The following LPIN1 variants were observed in gnomAD, a reference collection of about 807,000 sequenced individuals.
LPIN1 encodes phosphatidate phosphatase LPIN1.
In LPIN1, 71 loss-of-function variants were observed where a neutral mutation model predicts 107.5. The observed-to-expected ratio is 0.66, with a 90% confidence interval of 0.55 to 0.80. LPIN1 has a LOEUF of 0.80. Among genes scored for constraint, LPIN1 ranks in the 30% least tolerant of loss-of-function variants. The pLI is 0.00. For synonymous variants in LPIN1, 445 were observed against 452.6 expected, an observed-to-expected ratio of 0.98 and a Z score of 0.21; for missense variants, 1,043 against 1,160.6, an observed-to-expected ratio of 0.90 and a Z score of 1.47.
At chr2:11,724,266 T>A, upstream of LPIN1, 1 of 850,278 alleles carries the variant, frequency 1.2e-6, no homozygotes. Context: ...CAAATGCTGA[T>A]GTCATAGTCC....
At position 11,782,183 on chromosome 2, in the gene LPIN1, C is replaced by T. The variant is rs1186738413; in HGVS notation, c.958-18C>T. The T allele has an allele frequency of 2.5e-6, 4 of 1,599,988 alleles. No homozygotes were observed. Among genetic ancestry groups the T allele is most frequent in the Non-Finnish European group, 3.4e-6 (4 of 1,167,378 alleles). ...TGACCTTGTCTCTCTCTCTGTCCCTCTCTCCTCTTTGCTCTAGTCTTCTTC... is the reference window on the plus strand; with the variant it reads ...TGACCTTGTCTCTCTCTCTGTCCCTTTCTCCTCTTTGCTCTAGTCTTCTTC... On this transcript the variant is annotated intron_variant, in intron 7 of 20. Coordinates refer to ENST00000674199, the MANE Select transcript of LPIN1 (RefSeq NM_001349206.2).
At position 11,801,715 on chromosome 2, in the gene LPIN1, G is replaced by A. The variant is rs555395635; in HGVS notation, c.1887-1192G>A. Among the ~76,000 whole-genome samples, 133 of 152,244 alleles carry A rather than the reference G, an allele frequency of 8.7e-4. 1 individual carries two copies. Among genetic ancestry groups the A allele is most frequent in the Non-Finnish European group, 2.9e-4 (20 of 68,022 alleles). On this transcript the variant is annotated intron_variant, in intron 14 of 20. Transcript: ENST00000674199. ...CACAGTAGAATGATTATAGTTAACG[G>A]CAATTTATTATAAATTTCAAAATAG...
upstream of LPIN1, among the ~76,000 whole-genome samples, chr2:11,721,397 G>A (rs1047709124): frequency 6.6e-6 from 1 of 151,616 alleles, no homozygotes; most frequent in African/African-American, 2.4e-5. Flanking sequence ...GTGTCCTGGT[G>A]GTCCTCTGTT....
chr2:11,693,395 G>A (rs985843860), intron 1 of LPIN1, among the ~76,000 whole-genome samples: 3 of 152,078 alleles, frequency 2.0e-5, no homozygotes, highest in Non-Finnish European at 2.9e-5. Context: ...TCAGCAGTCT[G>A]AGCTGGTCTA....
chr2:11,728,226 A>T (rs1306761620), intron 1 of LPIN1, among the ~76,000 whole-genome samples: 2 of 152,214 alleles, frequency 1.3e-5, no homozygotes, highest in East Asian at 3.8e-4. Context: ...ATGTATCCAC[A>T]TCACAGTTCC....
At chr2:11,779,318 G>C (rs1251031027) in intron 6 of LPIN1, among the ~76,000 whole-genome samples, 2 of 152,148 alleles carry the variant, frequency 1.3e-5, no homozygotes, top group Non-Finnish European at 2.9e-5. Flanking sequence ...GGTGGGGCGG[G>C]CGACCCACGT....
At chr2:11,746,622 G>A, upstream of LPIN1, 1 of 985,384 alleles carries the variant, frequency 1.0e-6, no homozygotes, top group Non-Finnish European at 1.2e-6. Flanking sequence ...GACAGCCGGC[G>A]GCGGGCTGGG....
At chr2:11,779,434 G>T (rs866655452) in intron 6 of LPIN1, 85 bp from the exon 7 acceptor site, 166 of 1,421,942 alleles carry the variant, frequency 1.2e-4, no homozygotes, top group Middle Eastern at 2.5e-4. Context: ...GCATTTTCTG[G>T]GCTATTTGAG....
intron 1 of LPIN1, among the ~76,000 whole-genome samples, chr2:11,763,511 C>T (rs939674824): frequency 2.6e-5 from 4 of 152,194 alleles, no homozygotes; most frequent in Non-Finnish European, 5.9e-5. Context: ...CCCTTTCCCT[C>T]TTTTTCGTCT....
intron 1 of LPIN1, among the ~76,000 whole-genome samples, chr2:11,750,940 G>C (rs1467943271): frequency 6.6e-6 from 1 of 152,172 alleles, no homozygotes; most frequent in Non-Finnish European, 1.5e-5. Context: ...TTGGACAGAG[G>C]GCTCTTGAAA....
At chr2:11,695,818 C>G (rs1459265642) in intron 1 of LPIN1, among the ~76,000 whole-genome samples, 2 of 152,176 alleles carry the variant, frequency 1.3e-5, no homozygotes, top group Non-Finnish European at 2.9e-5. Context: ...GGAACCTTAG[C>G]ATGAGTGACT....
At chr2:11,695,558 C>T (rs1662530838) in intron 1 of LPIN1, among the ~76,000 whole-genome samples, 1 of 152,152 alleles carries the variant, frequency 6.6e-6, no homozygotes. Context: ...AGGGGAGGAG[C>T]AGATTGGTTA....
rs1048426890 is a variant in LPIN1, at chr2:11,733,843, G to A, written c.-71-7506G>A. On this transcript the variant is annotated intron_variant, in intron 1 of 21. Coordinates refer to the LPIN1 transcript ENST00000396097. ...GGCCCACAGCCTTTTGGCACTCCCC[G>A]CAGAGCAGCACATTGTGAGCACCCA... Among the ~76,000 whole-genome samples the A allele has an allele frequency of 5.9e-5, 9 of 152,202 alleles. No individual in the cohort carries two copies. The Middle Eastern group carries it at 0.01, about 173-fold the overall frequency.
chr2:11,821,119 G>A (rs1681435010), intron 20 of LPIN1, among the ~76,000 whole-genome samples: 1 of 152,168 alleles, frequency 6.6e-6, no homozygotes, highest in African/African-American at 2.4e-5. Context: ...TTGTTGGGAG[G>A]TTGGCCCACT....
At chr2:11,703,022 G>T (rs1205210391) in intron 1 of LPIN1, among the ~76,000 whole-genome samples, 2 of 152,156 alleles carry the variant, frequency 1.3e-5, no homozygotes, top group African/African-American at 4.8e-5. Context: ...TGAGTTACCT[G>T]ACATGCAAAT....
intron 8 of LPIN1, 24 bp downstream of exon 8, chr2:11,782,531 C>T: frequency 1.2e-6 from 2 of 1,613,070 alleles, no homozygotes; most frequent in African/African-American, 1.3e-5. Flanking sequence ...GGCTTCCCGG[C>T]TCTTTTTCTG....
chr2:11,821,156 T>C (rs925065153), intron 20 of LPIN1, among the ~76,000 whole-genome samples: 2 of 152,200 alleles, frequency 1.3e-5, no homozygotes, highest in Admixed American at 6.5e-5. Flanking sequence ...GGCCGACCCT[T>C]GTCTTCCTGC....
intron 6 of LPIN1, among the ~76,000 whole-genome samples, chr2:11,778,490 CTTGT>C (rs1487355017): frequency 1.3e-5 from 2 of 152,288 alleles, no homozygotes; most frequent in East Asian, 3.9e-4. Flanking sequence ...ATGAACTCAC[CTTGT>C]ATTGACAGGA....
At chr2:11,739,485 A>G (rs1372050740) in intron 1 of LPIN1, among the ~76,000 whole-genome samples, 2 of 152,260 alleles carry the variant, frequency 1.3e-5, no homozygotes, top group Non-Finnish European at 2.9e-5. Flanking sequence ...ACCCCCTAAA[A>G]TTCAGGACAT....
Sources: allele counts gnomAD v4.1 joint callset (sites outside exome capture counted in the v4.1 genomes callset), GRCh38; gene constraint gnomAD v4.1.1; transcripts MANE v1.5; gene names NCBI Gene and HGNC (gene_info 2026-07-23, HGNC 2026-07-21).